Variants in ATP7A observed in about 807,000 individuals in gnomAD.
The protein encoded by ATP7A is ATPase copper transporting alpha, also known as copper-transporting ATPase 1.
A neutral mutation model predicts 83.5 loss-of-function variants in ATP7A; 7 were observed. That is an observed-to-expected ratio of 0.08 (90% CI 0.05 to 0.16). The LOEUF (loss-of-function observed/expected upper bound fraction) is 0.16. Among genes scored for constraint, ATP7A ranks in the 10% least tolerant of loss-of-function variants. The probability of loss-of-function intolerance (pLI) is 1.00; values close to 1 mark genes in which losing one functional copy is unlikely to be tolerated. For missense variants in ATP7A, 940 were observed against 1,120.8 expected (o/e 0.84, Z 2.30); for synonymous variants, 354 against 395.2 (o/e 0.90, Z 1.24).
intron 18 of ATP7A, 101 bp downstream of exon 18, chrX:78,039,083 G>A: frequency 1.1e-6 from 1 of 914,017 alleles, no homozygotes; most frequent in South Asian, 2.3e-5. Flanking sequence ...TTATTCAAAA[G>A]CATCTTGAAT....
intron 1 of ATP7A, among the ~76,000 whole-genome samples, chrX:77,911,877 G>A (rs1329442854): frequency 1.8e-5 from 2 of 112,079 alleles, no homozygotes; most frequent in Non-Finnish European, 3.8e-5. Context: ...CTGGGAGGCG[G>A]ATGTTGCAGT....
chrX:77,934,083 A>G (rs1296912918), intron 1 of ATP7A, among the ~76,000 whole-genome samples: 1 of 111,747 alleles, frequency 8.9e-6, no homozygotes, highest in Non-Finnish European at 1.9e-5. Flanking sequence ...TAGGTCCTGT[A>G]GGGATGAGGA....
chrX:78,014,776 C>G (rs1193294223), intron 11 of ATP7A, 23 bp downstream of exon 11: 1 of 1,124,832 alleles, frequency 8.9e-7, no homozygotes. Flanking sequence ...ACTCTTCCCT[C>G]TTCTCTTTTT....
intron 6 of ATP7A, among the ~76,000 whole-genome samples, chrX:78,008,117 A>G (rs1259256935): frequency 8.9e-6 from 1 of 111,922 alleles, no homozygotes; most frequent in Non-Finnish European, 1.9e-5. Flanking sequence ...TTCTGGAAAA[A>G]GATGGTTCTT....
chrX:77,999,808 G>A (rs1603383194), intron 5 of ATP7A, among the ~76,000 whole-genome samples: 1 of 109,495 alleles, frequency 9.1e-6, no homozygotes, highest in Admixed American at 9.8e-5. Context: ...GGAGGCTGAG[G>A]CAGGAGAATC....
At chrX:77,964,157 AT>A (rs1401536303) in intron 1 of ATP7A, 15 of 111,958 alleles carry the variant, frequency 1.3e-4, no homozygotes, top group Admixed American at 1.3e-3. Flanking sequence ...TTGTTTTTAT[AT>A]TATTTGACCT....
chrX:77,950,353 G>T (rs2077406175), intron 1 of ATP7A, among the ~76,000 whole-genome samples: 1 of 111,886 alleles, frequency 8.9e-6, no homozygotes, highest in African/African-American at 3.2e-5. Flanking sequence ...GACGCTTGCG[G>T]TGGGGGCATT....
rs782650147 is a variant in ATP7A, at chrX:77,967,872, A to C, written c.-21-3749A>C. ...AGTCCATTAATCATCTTGCTTTGTT[A>C]GTAGCAGCGGGCATGGTTCAGCATT... On this transcript the variant is annotated intron_variant, in intron 1 of 22. Coordinates refer to ENST00000341514, the MANE Select transcript of ATP7A (RefSeq NM_000052.7). 2.1e-4 allele frequency among the ~76,000 whole-genome samples: 24 copies of C among 112,058 alleles called. No individual in the cohort carries two copies. The East Asian group carries it at 6.4e-3, about 30-fold the overall frequency.
At chrX:77,942,703 C>T (rs1316091670) in intron 1 of ATP7A, among the ~76,000 whole-genome samples, 2 of 111,853 alleles carry the variant, frequency 1.8e-5, no homozygotes, top group African/African-American at 6.5e-5. Context: ...TCACCTTGGC[C>T]TCCCAAAGTG....
At chrX:77,916,372 GAAAA>G (rs1296215594) in intron 1 of ATP7A, among the ~76,000 whole-genome samples, 2 of 98,169 alleles carry the variant, frequency 2.0e-5, no homozygotes, top group East Asian at 3.2e-4. Flanking sequence ...AAAAAAAAAA[GAAAA>G]AAAAAGAGAA....
At chrX:77,964,719 C>T (rs1557228479) in intron 1 of ATP7A, 1 of 111,379 alleles carries the variant, frequency 9.0e-6, no homozygotes, top group Non-Finnish European at 1.9e-5. Context: ...TTTCCAGCTT[C>T]ATCCATGTCC....
At chrX:77,947,671 C>T (rs2077387980) in intron 1 of ATP7A, among the ~76,000 whole-genome samples, 2 of 108,478 alleles carry the variant, frequency 1.8e-5, no homozygotes, top group Admixed American at 1.0e-4. Flanking sequence ...CTCCTGACCT[C>T]GTGATCTGTC....
rs782678590 is a variant in ATP7A at position 77,942,737 on chromosome X, C to T, written c.-21-28884C>T. The stretch of plus-strand genomic sequence containing the variant: ...TGTTGGGATTACAGGCATGAGCCAC[C>T]GCATCCAGCCCTCTTTCTCTGAAAG... On this transcript the variant is annotated intron_variant, in intron 1 of 22. Transcript: ENST00000341514. 9.0e-4 allele frequency among the ~76,000 whole-genome samples: 98 copies of T among 109,327 alleles called. 2 individuals are homozygous for T. The highest frequency in any genetic ancestry group is 1.3e-4 in the Non-Finnish European group (7 of 52,337). The allele number at this position is 109,327 out of a possible 115,157, so 94.9% of individuals were successfully genotyped here. A position where few individuals can be genotyped will look rare whatever the true frequency, so the allele number is the denominator to read the frequency against.
At chrX:78,015,919 A>G in intron 12 of ATP7A, 38 bp downstream of exon 12, 1 of 1,200,964 alleles carries the variant, frequency 8.3e-7, no homozygotes, top group Non-Finnish European at 1.1e-6. Flanking sequence ...AAATGTTAAG[A>G]AAAATAGACA....
chrX:78,021,113 A>G, intron 14 of ATP7A, 34 bp downstream of exon 14: 1 of 1,171,311 alleles, frequency 8.5e-7, no homozygotes, highest in South Asian at 1.8e-5. Flanking sequence ...TACTATATGC[A>G]GAACAATTTG....
intron 1 of ATP7A, among the ~76,000 whole-genome samples, chrX:77,947,737 A>AT (rs782600933): frequency 0.29 from 18,096 of 61,667 alleles, 2,533 homozygotes; most frequent in African/African-American, 0.35. Flanking sequence ...TGCCTGGCCA[A>AT]TTTTTTTTTT....
chrX:77,961,784 A>G (rs1603376922), intron 1 of ATP7A, among the ~76,000 whole-genome samples: 1 of 110,877 alleles, frequency 9.0e-6, no homozygotes, highest in Admixed American at 9.7e-5. Context: ...AACTCATCCT[A>G]TTTGTCCTTT....
intron 1 of ATP7A, among the ~76,000 whole-genome samples, chrX:77,943,987 T>C (rs939717720): frequency 3.6e-5 from 4 of 112,374 alleles, no homozygotes; most frequent in African/African-American, 6.5e-5. Flanking sequence ...CATATGTTGA[T>C]AAGTATTGCA....
At chrX:78,040,199 G>GCC (rs72092192) in intron 18 of ATP7A, among the ~76,000 whole-genome samples, 7 of 86,966 alleles carry the variant, frequency 8.0e-5, no homozygotes, top group Non-Finnish European at 1.4e-4. Context: ...GTCTCTCTCT[G>GCC]CCCCCCCCCC....
Sources: allele counts gnomAD v4.1 joint callset (sites outside exome capture counted in the v4.1 genomes callset), GRCh38; gene constraint gnomAD v4.1.1; transcripts MANE v1.5; gene names NCBI Gene and HGNC (gene_info 2026-07-23, HGNC 2026-07-21).